Variants in TLK2 observed in about 807,000 individuals in gnomAD.
The protein encoded by TLK2 is serine/threonine-protein kinase tousled-like 2.
TLK2 carries 6 observed loss-of-function variants against 117.3 expected under a neutral mutation model. That is an observed-to-expected ratio of 0.05 (90% CI 0.03 to 0.10). The LOEUF is 0.10. Ranked by LOEUF, TLK2 falls within the 10% of genes least tolerant of loss-of-function variation. The probability of loss-of-function intolerance (pLI) is 1.00; values close to 1 mark genes in which losing one functional copy is unlikely to be tolerated. For missense variants in TLK2, 299 were observed against 901.2 expected, an observed-to-expected ratio of 0.33 and a Z score of 8.56; for synonymous variants, 257 against 316.7, an observed-to-expected ratio of 0.81 and a Z score of 2.00.
rs2079640886 is a variant in TLK2 at position 62,565,047 on chromosome 17, G to A, written c.878G>A (p.Arg293His). Residue 293 changes from arginine to histidine, a missense_variant, in exon 11 of 22, where the codon CGC becomes CAC. Coordinates refer to ENST00000346027, the MANE Select transcript of TLK2 (RefSeq NM_006852.6). ...TGTAGAGATAAGAGCATGCAAGACC[G>A]CTTGAGACTGGGCCACTTTACTACT... ...MACRDKSMQDRLRLGHFTTVR... is the reference protein window; with the variant it reads ...MACRDKSMQDHLRLGHFTTVR... 2.5e-6 allele frequency: 4 copies of A among 1,613,786 alleles called. No individual in the cohort carries two copies. The highest frequency in any genetic ancestry group is 2.2e-5 in the South Asian group (2 of 91,058).
At chr17:62,606,714 A>G (rs1706449742) in intron 20 of TLK2, among the ~76,000 whole-genome samples, 1 of 152,214 alleles carries the variant, frequency 6.6e-6, no homozygotes, top group African/African-American at 2.4e-5. Flanking sequence ...GGATGTATTC[A>G]TTGTTACCTC....
At chr17:62,588,002 G>A (rs988459602) in intron 16 of TLK2, among the ~76,000 whole-genome samples, 5 of 143,038 alleles carry the variant, frequency 3.5e-5, no homozygotes, top group Admixed American at 7.0e-5. Flanking sequence ...TAAAATATAC[G>A]TATACATCTG....
chr17:62,481,067 TG>T, intron 1 of TLK2, 53 bp from the exon 2 acceptor site: 1 of 1,543,480 alleles, frequency 6.5e-7, no homozygotes. Flanking sequence ...TACAGAAAAT[TG>T]CCTCCTCACA....
At chr17:62,604,140 G>T (rs1171104738) in intron 19 of TLK2, among the ~76,000 whole-genome samples, 1 of 151,998 alleles carries the variant, frequency 6.6e-6, no homozygotes, top group African/African-American at 2.4e-5. Flanking sequence ...AAGTAGCTGG[G>T]TTTACATGCA....
At chr17:62,523,209 C>G (rs752321241) in intron 5 of TLK2, 32 bp downstream of exon 5, 50 of 1,386,768 alleles carry the variant, frequency 3.6e-5, no homozygotes, top group Non-Finnish European at 4.5e-5. Context: ...AACAAACAAA[C>G]AAAACAAAAC....
intron 11 of TLK2, among the ~76,000 whole-genome samples, chr17:62,568,192 G>A (rs574032838): frequency 1.3e-5 from 2 of 152,186 alleles, no homozygotes; most frequent in South Asian, 4.2e-4. Flanking sequence ...AGCACTTTGG[G>A]AGGCTGAGAT....
chr17:62,487,405 G>C (rs2072536413), intron 2 of TLK2, among the ~76,000 whole-genome samples: 1 of 151,526 alleles, frequency 6.6e-6, no homozygotes, highest in Non-Finnish European at 1.5e-5. Context: ...TGTAGTCCCA[G>C]CTGCTCAGGA....
At chr17:62,476,456 G>A (rs1488572074), upstream of TLK2, among the ~76,000 whole-genome samples, 10 of 152,068 alleles carry the variant, frequency 6.6e-5, no homozygotes, top group East Asian at 1.9e-4. Context: ...GGTGGTGTGC[G>A]CCTGTAATCC....
intron 2 of TLK2, among the ~76,000 whole-genome samples, chr17:62,519,955 T>C (rs1272529260): frequency 6.6e-6 from 1 of 152,202 alleles, no homozygotes; most frequent in African/African-American, 2.4e-5. Flanking sequence ...GGGAACACCC[T>C]TAGACTGAAA....
intron 2 of TLK2, among the ~76,000 whole-genome samples, chr17:62,497,939 A>G (rs1334844018): frequency 6.6e-6 from 1 of 152,078 alleles, no homozygotes; most frequent in African/African-American, 2.4e-5. Flanking sequence ...CAGGTGATCC[A>G]CCCACCTTGG....
intron 10 of TLK2, among the ~76,000 whole-genome samples, chr17:62,561,493 C>T (rs1370467133): frequency 6.6e-6 from 1 of 152,204 alleles, no homozygotes; most frequent in African/African-American, 2.4e-5. Flanking sequence ...ATTACAGGCG[C>T]TCACCACTGC....
chr17:62,496,653 C>T (rs757188366), intron 2 of TLK2, among the ~76,000 whole-genome samples: 4 of 151,886 alleles, frequency 2.6e-5, no homozygotes, highest in East Asian at 1.9e-4. Context: ...GGTTTTATTA[C>T]GTTCTTAAAA....
At chr17:62,608,321 A>C (rs940681867) in intron 21 of TLK2, among the ~76,000 whole-genome samples, 173 bp downstream of exon 21, 1 of 152,162 alleles carries the variant, frequency 6.6e-6, no homozygotes, top group African/African-American at 2.4e-5. Flanking sequence ...CATTGCTTAC[A>C]CCCTGACCAC....
At chr17:62,476,148 T>A (rs906854381), upstream of TLK2, among the ~76,000 whole-genome samples, 1 of 151,820 alleles carries the variant, frequency 6.6e-6, no homozygotes, top group Non-Finnish European at 1.5e-5. Flanking sequence ...CCGAGCTAAT[T>A]TTTGTATTTT....
intron 2 of TLK2, among the ~76,000 whole-genome samples, chr17:62,497,598 T>C (rs1398199501): frequency 6.6e-6 from 1 of 152,216 alleles, no homozygotes; most frequent in African/African-American, 2.4e-5. Context: ...GAGCTTTAGA[T>C]AGTTTGTGGT....
At chr17:62,552,644 G>T (rs1350923966) in intron 8 of TLK2, among the ~76,000 whole-genome samples, 1 of 149,250 alleles carries the variant, frequency 6.7e-6, no homozygotes, top group Non-Finnish European at 1.5e-5. Flanking sequence ...AAAGCATGGT[G>T]TTAAGGAAAC....
At chr17:62,603,537 TA>T (rs957971060) in intron 19 of TLK2, among the ~76,000 whole-genome samples, 6 of 152,168 alleles carry the variant, frequency 3.9e-5, no homozygotes, top group African/African-American at 1.4e-4. Context: ...TTTTTTTTTT[TA>T]AGGCACAGTT....
chr17:62,490,835 C>T (rs1341247390), intron 2 of TLK2, among the ~76,000 whole-genome samples: 3 of 152,210 alleles, frequency 2.0e-5, no homozygotes, highest in Non-Finnish European at 4.4e-5. Flanking sequence ...AGCCACCATG[C>T]CTGGCCTAAT....
Position 62,471,888 on chromosome 17 carries a change from C to CTTTTTTTTTTTTTTTT in TLK2, c.-205+824_-205+839dup. 1.5e-3 allele frequency among the ~76,000 whole-genome samples: 58 copies of CTTTTTTTTTTTTTTTT among 37,778 alleles called. 23 individuals carry two copies. Among genetic ancestry groups the CTTTTTTTTTTTTTTTT allele is most frequent in the Admixed American group, 2.5e-3 (4 of 1,632 alleles). 24.8% of individuals were successfully genotyped at this position (37,778 alleles called of 152,430 possible). A position where few individuals can be genotyped will look rare whatever the true frequency, so the allele number is the denominator to read the frequency against. On this transcript the variant is annotated intron_variant, in intron 1 of 4. Coordinates refer to the TLK2 transcript ENST00000579450. ...GGCATGGAAGATTAGGTAGTATAGT[C>CTTTTTTTTTTTTTTTT]TTTTTTTTTTTTTTTTTTTTTTTTT... is the stretch of plus-strand genomic sequence containing the variant.
Sources: allele counts gnomAD v4.1 joint callset (sites outside exome capture counted in the v4.1 genomes callset), GRCh38; gene constraint gnomAD v4.1.1; transcripts MANE v1.5; gene names NCBI Gene and HGNC (gene_info 2026-07-23, HGNC 2026-07-21).